The following NEK6 variants were observed in gnomAD, a reference collection of about 807,000 sequenced individuals.
NEK6 encodes the protein serine/threonine-protein kinase Nek6.
NEK6 carries 27 observed loss-of-function variants against 43.5 expected under a neutral mutation model. The ratio of observed to expected loss-of-function variants is 0.62; its 90% CI spans 0.46 to 0.86. NEK6 has a LOEUF of 0.86. NEK6 is among the 40% of genes least tolerant of loss of function. NEK6 has a pLI of 0.00. For synonymous variants in NEK6, 167 were observed against 164.1 expected, an observed-to-expected ratio of 1.02 and a Z score of -0.14; for missense variants, 318 against 414.4, an observed-to-expected ratio of 0.77 and a Z score of 2.02.
In NEK6 at chr9:124,353,189, T is replaced by C. The variant is rs1307954173; in HGVS notation, c.*2242T>C. On this transcript the variant is annotated 3_prime_UTR_variant, in exon 10 of 10. Coordinates refer to ENST00000320246, the MANE Select transcript of NEK6 (RefSeq NM_014397.6). ...TGAGGTGGAGGGTGTGCTGCACTTA[T>C]CACCCCATTTCAAAACCAAACCAAA... 3.5e-5 allele frequency: 7 copies of C among 201,520 alleles called. No individual in the cohort carries two copies. Among genetic ancestry groups the C allele is most frequent in the South Asian group, 1.0e-4 (1 of 10,044 alleles). 12.5% of individuals were successfully genotyped at this position (201,520 alleles called of 1,614,324 possible).
intron 8 of NEK6, among the ~76,000 whole-genome samples, chr9:124,339,933 A>C (rs1411604715): frequency 6.6e-6 from 1 of 152,030 alleles, no homozygotes; most frequent in Non-Finnish European, 1.5e-5. Context: ...CAGGCCAGGC[A>C]TCTGATCCCC....
At chr9:124,286,792 C>T (rs748647668) in intron 1 of NEK6, among the ~76,000 whole-genome samples, 2 of 152,222 alleles carry the variant, frequency 1.3e-5, no homozygotes, top group Non-Finnish European at 2.9e-5. Flanking sequence ...CAGAGGCTGC[C>T]AGCCTAGGGT....
intron 2 of NEK6, among the ~76,000 whole-genome samples, chr9:124,305,623 TTTTTGGGG>T (rs1228310904): frequency 6.6e-6 from 1 of 152,034 alleles, no homozygotes; most frequent in Non-Finnish European, 1.5e-5. Flanking sequence ...AGCAACTGTT[TTTTTGGGG>T]TTTTTTTCCT....
Position 124,296,377 on chromosome 9 carries a change from A to G in NEK6, c.-29-5559A>G, listed in dbSNP as rs1832689709. Among the ~76,000 whole-genome samples the G allele has an allele frequency of 2.0e-5, 3 of 152,146 alleles. No individual in the cohort carries two copies. The South Asian group carries it at 6.2e-4, about 32-fold the overall frequency. On this transcript the variant is annotated intron_variant, in intron 1 of 9. Transcript: ENST00000320246. Reference sequence around the variant, plus strand: ...TCAGGGAAACTGGAGAGGGGAGTACAGTGTCTGGCCAAGGCTGACCTCCAA... The same window carrying G: ...TCAGGGAAACTGGAGAGGGGAGTACGGTGTCTGGCCAAGGCTGACCTCCAA...
chr9:124,327,374 GCGT>G lies in NEK6; in HGVS notation c.555_557del (p.Val186del). The G allele has an allele frequency of 6.2e-7, 1 of 1,613,916 alleles. No homozygotes were observed. On this transcript the variant is annotated inframe_deletion, in exon 7 of 10. Transcript: ENST00000320246. ...GCCAACGTGTTCATCACAGCCACGG[GCGT>G]CGTGAAGCTCGGTGACCTTGGTCTG...
chr9:124,307,821 G>A (rs888132340), intron 2 of NEK6, among the ~76,000 whole-genome samples: 2 of 152,188 alleles, frequency 1.3e-5, no homozygotes, highest in Admixed American at 6.5e-5. Flanking sequence ...CACGTCGTCA[G>A]CCCCACCGCC....
At chr9:124,274,495 C>G (rs1324385083) in intron 1 of NEK6, among the ~76,000 whole-genome samples, 1 of 152,228 alleles carries the variant, frequency 6.6e-6, no homozygotes, top group Non-Finnish European at 1.5e-5. Context: ...AGCAGTAGCA[C>G]TGAAGTTTGA....
At chr9:124,292,358 G>C (rs1157735789) in intron 1 of NEK6, 3 of 1,498,454 alleles carry the variant, frequency 2.0e-6, no homozygotes, top group East Asian at 4.9e-5. Flanking sequence ...TAATCCCTGG[G>C]CTTGGCCAGA....
chr9:124,350,883 G>T lies in NEK6; in HGVS notation c.878G>T (p.Arg293Ile). Residue 293 changes from arginine to isoleucine, a missense_variant, in exon 10 of 10, where the codon AGA becomes ATA. Arg to Ile is a moderately conservative substitution (Grantham distance 97). Around this residue, in one of 2 missense-constraint regions of NEK6, gnomAD observed 79 missense variants for 70.0 expected, o/e 1.13. Transcript: ENST00000320246. ...TGCATCTGCCCTGACCCCCACCAGA[G>T]ACCTGACATCGGATACGTGCACCAG... is the stretch of plus-strand genomic sequence containing the variant. Reference protein sequence around the residue: ...SMCICPDPHQRPDIGYVHQVA... With the variant: ...SMCICPDPHQIPDIGYVHQVA... 6.2e-7 allele frequency: 1 copy of T among 1,612,652 alleles called. No individual in the cohort carries two copies. Among genetic ancestry groups the T allele is most frequent in the South Asian group, 1.1e-5 (1 of 91,074 alleles).
At position 124,288,852 on chromosome 9, in the gene NEK6, C is replaced by T. The variant is rs151324770; in HGVS notation, c.-29-13084C>T. Among the ~76,000 whole-genome samples, 56 of 152,316 alleles carry T rather than the reference C, an allele frequency of 3.7e-4. 1 individual carries two copies. The East Asian group carries it at 5.6e-3, about 15-fold the overall frequency. Reference sequence around the variant, plus strand: ...TGCTGCCTCTCCACCTCCCCACAGCCTGGCCTGCTCTTCTCAGATCCAGGA... The same window carrying T: ...TGCTGCCTCTCCACCTCCCCACAGCTTGGCCTGCTCTTCTCAGATCCAGGA... On this transcript the variant is annotated intron_variant, in intron 1 of 9. Transcript: ENST00000320246.
chr9:124,334,229 G>A (rs1829175896), intron 7 of NEK6, among the ~76,000 whole-genome samples: 1 of 152,206 alleles, frequency 6.6e-6, no homozygotes, highest in Admixed American at 6.5e-5. Context: ...GCAGGTGGCT[G>A]GCTGGATGGA....
chr9:124,311,965 C>T (rs997602624), intron 2 of NEK6, among the ~76,000 whole-genome samples: 9 of 152,218 alleles, frequency 5.9e-5, no homozygotes, highest in Admixed American at 3.3e-4. Flanking sequence ...GGATTACAGG[C>T]GTGAGCCACC....
intron 8 of NEK6, among the ~76,000 whole-genome samples, chr9:124,339,962 C>T (rs1829509307): frequency 1.3e-5 from 2 of 152,204 alleles, no homozygotes; most frequent in South Asian, 2.1e-4. Context: ...CTGCCCCCGT[C>T]GCCCTGGTAA....
At position 124,349,144 on chromosome 9, in the gene NEK6, G is replaced by A. The variant is rs1228632431; in HGVS notation, c.831+1322G>A. 3.3e-5 allele frequency among the ~76,000 whole-genome samples: 5 copies of A among 152,242 alleles called. No individual in the cohort carries two copies. In the East Asian group the frequency reaches 9.6e-4, roughly 29 times the overall value. On this transcript the variant is annotated intron_variant, in intron 9 of 9. Coordinates refer to ENST00000320246, the MANE Select transcript of NEK6 (RefSeq NM_014397.6). Reference sequence around the variant, plus strand: ...GCAGACTCCAGGGCTAGAGGAGCTCGAGTGTCGGGCGCTGCACAGTGCCCT... The same window carrying A: ...GCAGACTCCAGGGCTAGAGGAGCTCAAGTGTCGGGCGCTGCACAGTGCCCT...
intron 1 of NEK6, among the ~76,000 whole-genome samples, chr9:124,283,371 C>T (rs926964567): frequency 3.3e-5 from 5 of 152,232 alleles, no homozygotes; most frequent in Admixed American, 1.3e-4. Flanking sequence ...TCCTTCCCCA[C>T]GTCCTAGGAC....
chr9:124,336,439 T>C (rs1829292958), intron 7 of NEK6, among the ~76,000 whole-genome samples: 1 of 152,150 alleles, frequency 6.6e-6, no homozygotes, highest in African/African-American at 2.4e-5. Flanking sequence ...GCTTCCTTCA[T>C]GAAATTAAAA....
chr9:124,301,906 A>G (rs1403014759), intron 1 of NEK6, 30 bp from the exon 2 acceptor site: 3 of 1,525,002 alleles, frequency 2.0e-6, no homozygotes, highest in African/African-American at 1.4e-5. Context: ...CTCAAAGAGA[A>G]AGTGAACAGG....
At chr9:124,317,042 T>C (rs1201404008) in intron 4 of NEK6, among the ~76,000 whole-genome samples, 1 of 152,198 alleles carries the variant, frequency 6.6e-6, no homozygotes, top group Non-Finnish European at 1.5e-5. Context: ...GGTGTTCCCA[T>C]TTATCCTCAT....
intron 1 of NEK6, among the ~76,000 whole-genome samples, chr9:124,287,593 G>A (rs1832222233): frequency 6.6e-6 from 1 of 152,202 alleles, no homozygotes; most frequent in Non-Finnish European, 1.5e-5. Context: ...GGGAGGCTGA[G>A]GTGGGTGGAT....
Sources: gnomAD v4.1 joint callset for allele counts (sites outside exome capture counted in the v4.1 genomes callset) on GRCh38, gnomAD v4.1.1 for gene constraint, gnomAD v4.1.1 regional missense constraint, MANE v1.5 for transcripts, NCBI Gene and HGNC (gene_info 2026-07-23, HGNC 2026-07-21) for gene names.